The following ENOX1 variants were observed in gnomAD, a reference collection of about 807,000 sequenced individuals.
ENOX1 encodes ecto-NOX disulfide-thiol exchanger 1.
In ENOX1, 42 loss-of-function variants were observed where a neutral mutation model predicts 82.5. That is an observed-to-expected ratio of 0.51 (90% CI 0.40 to 0.66). ENOX1 has a LOEUF of 0.66. Among genes scored for constraint, ENOX1 ranks in the 30% least tolerant of loss-of-function variants. The probability of loss-of-function intolerance (pLI) is 0.00; values close to 1 mark genes in which losing one functional copy is unlikely to be tolerated. For missense variants in ENOX1, 608 were observed against 811.6 expected, an observed-to-expected ratio of 0.75 and a Z score of 3.05; for synonymous variants, 271 against 282.2, an observed-to-expected ratio of 0.96 and a Z score of 0.40.
chr13:43,738,484 T>C (rs1280611239), intron 1 of ENOX1, among the ~76,000 whole-genome samples: 1 of 152,218 alleles, frequency 6.6e-6, no homozygotes. Context: ...CAGTCTCTAT[T>C]TAGATAATCC....
chr13:43,470,761 T>C (rs1469644463), intron 3 of ENOX1, among the ~76,000 whole-genome samples: 1 of 151,916 alleles, frequency 6.6e-6, no homozygotes, highest in African/African-American at 2.4e-5. Context: ...CCGGTGAGCA[T>C]ATGAAAATGA....
intron 2 of ENOX1, among the ~76,000 whole-genome samples, chr13:43,640,479 A>G (rs1343708907): frequency 6.6e-6 from 1 of 152,216 alleles, no homozygotes; most frequent in Non-Finnish European, 1.5e-5. Flanking sequence ...CTGCATGCCT[A>G]CAACTCACCA....
chr13:43,644,952 A>G (rs2083825663), intron 2 of ENOX1, among the ~76,000 whole-genome samples: 2 of 152,168 alleles, frequency 1.3e-5, no homozygotes, highest in Admixed American at 1.3e-4. Flanking sequence ...CTTGGGTTCA[A>G]TTTGTCACTG....
Position 43,704,632 on chromosome 13 carries a change from G to A in ENOX1, c.-284-37088C>T, listed in dbSNP as rs766817425. On this transcript the variant is annotated intron_variant, in intron 1 of 16. Coordinates refer to ENST00000690772, the MANE Select transcript of ENOX1 (RefSeq NM_001347969.2). ...AAAAGCAACAGGGGGTGGGACTGGTGATCCACAACGAAGAAATGCGTAGAA... is the reference window on the plus strand; with the variant it reads ...AAAAGCAACAGGGGGTGGGACTGGTAATCCACAACGAAGAAATGCGTAGAA... 6.6e-5 allele frequency among the ~76,000 whole-genome samples: 10 copies of A among 152,250 alleles called. No homozygotes were observed. The East Asian group carries it at 1.7e-3, about 27-fold the overall frequency.
intron 14 of ENOX1, among the ~76,000 whole-genome samples, chr13:43,247,863 A>G (rs866228178): frequency 5.4e-4 from 1 of 1,848 alleles, no homozygotes; most frequent in African/African-American, 1.8e-3. Flanking sequence ...ATATATATAT[A>G]TATATATATA....
At chr13:43,247,846 TATATATATATATA>T (rs2043170356) in intron 14 of ENOX1, among the ~76,000 whole-genome samples, 1 of 4,704 alleles carries the variant, frequency 2.1e-4, no homozygotes, top group Admixed American at 3.7e-3. Flanking sequence ...TATATATATA[TATATATATATATA>T]TATATATATA....
rs553504525 is a variant in ENOX1 at position 43,541,173 on chromosome 13, GTTTTTTTTTTTT to G, written c.-218-57033_-218-57022del. On this transcript the variant is annotated intron_variant, in intron 2 of 16. Transcript: ENST00000690772. ...CTCCAACCTTACACTTCTTCCCTCTGTTTTTTTTTTTTTTTTTTTTTTTTTGCTAAAAATGAT... is the reference window on the plus strand; with the variant it reads ...CTCCAACCTTACACTTCTTCCCTCTGTTTTTTTTTTTTTGCTAAAAATGAT... Among the ~76,000 whole-genome samples, 8 of 64,574 alleles carry G rather than the reference GTTTTTTTTTTTT, an allele frequency of 1.2e-4. 1 individual carries two copies. The highest frequency in any genetic ancestry group is 5.2e-4 in the East Asian group (1 of 1,922). The allele number at this position is 64,574 out of a possible 152,430, so 42.4% of individuals were successfully genotyped here.
At chr13:43,411,598 G>C (rs908896860) in intron 5 of ENOX1, among the ~76,000 whole-genome samples, 1 of 152,138 alleles carries the variant, frequency 6.6e-6, no homozygotes, top group Non-Finnish European at 1.5e-5. Context: ...CAATCAAATG[G>C]GATAATGTAG....
intron 2 of ENOX1, among the ~76,000 whole-genome samples, chr13:43,531,908 A>G: frequency 7.2e-6 from 1 of 138,144 alleles, no homozygotes; most frequent in Non-Finnish European, 1.5e-5. Context: ...GGAACATCAC[A>G]CACTGGGGCC....
At chr13:43,724,934 C>A (rs1365849350) in intron 1 of ENOX1, among the ~76,000 whole-genome samples, 5 of 152,142 alleles carry the variant, frequency 3.3e-5, no homozygotes, top group Admixed American at 1.3e-4. Context: ...GAGATAAGTA[C>A]AAAAGAAAGA....
At chr13:43,530,797 A>T (rs1185472862) in intron 2 of ENOX1, among the ~76,000 whole-genome samples, 1 of 152,178 alleles carries the variant, frequency 6.6e-6, no homozygotes, top group South Asian at 2.1e-4. Flanking sequence ...CATTTATTTA[A>T]ACCCAGTTAA....
intron 2 of ENOX1, among the ~76,000 whole-genome samples, chr13:43,503,025 G>T (rs1414182236): frequency 2.6e-5 from 4 of 151,524 alleles, no homozygotes; most frequent in South Asian, 2.1e-4. Context: ...AAAGTTACAG[G>T]TTGTAAAAAT....
At chr13:43,706,392 C>T (rs139386404) in intron 1 of ENOX1, among the ~76,000 whole-genome samples, 106 of 151,846 alleles carry the variant, frequency 7.0e-4, no homozygotes, top group Admixed American at 1.3e-3. Flanking sequence ...AAGGAGCATA[C>T]CACAACACAA....
chr13:43,349,505 C>G (rs1381685444), intron 8 of ENOX1, among the ~76,000 whole-genome samples: 1 of 152,038 alleles, frequency 6.6e-6, no homozygotes, highest in African/African-American at 2.4e-5. Flanking sequence ...CCCCTTCCTT[C>G]TCCCTCTCTT....
chr13:43,268,726 C>T (rs2044521200), intron 13 of ENOX1, among the ~76,000 whole-genome samples: 1 of 152,158 alleles, frequency 6.6e-6, no homozygotes, highest in Non-Finnish European at 1.5e-5. Flanking sequence ...TGATTACTCA[C>T]AGAGGGTTGG....
intron 1 of ENOX1, among the ~76,000 whole-genome samples, chr13:43,713,414 G>A (rs1203413665): frequency 1.3e-5 from 2 of 152,154 alleles, no homozygotes; most frequent in Non-Finnish European, 2.9e-5. Context: ...GTACCAAGAT[G>A]ATGCTGGCCT....
intron 14 of ENOX1, among the ~76,000 whole-genome samples, chr13:43,258,765 C>T (rs1032224620): frequency 6.6e-6 from 1 of 152,170 alleles, no homozygotes; most frequent in African/African-American, 2.4e-5. Context: ...TGCCCCACTC[C>T]TACTAGACTC....
At chr13:43,487,234 A>T (rs1450478822) in intron 2 of ENOX1, among the ~76,000 whole-genome samples, 1 of 152,092 alleles carries the variant, frequency 6.6e-6, no homozygotes, top group Non-Finnish European at 1.5e-5. Flanking sequence ...CATGGGTGGT[A>T]TCAGTGATGG....
chr13:43,411,265 C>T (rs544394016), intron 5 of ENOX1, among the ~76,000 whole-genome samples: 1 of 152,180 alleles, frequency 6.6e-6, no homozygotes, highest in Non-Finnish European at 1.5e-5. Flanking sequence ...TTCTATTTCT[C>T]AAAGCACTTT....
Sources: allele counts gnomAD v4.1 joint callset (sites outside exome capture counted in the v4.1 genomes callset), GRCh38; gene constraint gnomAD v4.1.1; transcripts MANE v1.5; gene names NCBI Gene and HGNC (gene_info 2026-07-23, HGNC 2026-07-21).